Variants in STXBP5 observed in about 807,000 individuals in gnomAD.
The protein encoded by STXBP5 is syntaxin binding protein 5, also known as syntaxin-binding protein 5.
In STXBP5, 50 loss-of-function variants were observed where a neutral mutation model predicts 152.4. The ratio of observed to expected loss-of-function variants is 0.33; its 90% CI spans 0.26 to 0.42. STXBP5 has a LOEUF of 0.42. Ranked by LOEUF, STXBP5 falls within the 10% of genes least tolerant of loss-of-function variation. The probability of loss-of-function intolerance (pLI) is 1.00; values close to 1 mark genes in which losing one functional copy is unlikely to be tolerated. For synonymous variants in STXBP5, 492 were observed against 494.7 expected, an observed-to-expected ratio of 0.99 and a Z score of 0.07; for missense variants, 1,167 against 1,388.6, an observed-to-expected ratio of 0.84 and a Z score of 2.54.
At chr6:147,236,318 T>C (rs1358767164) in intron 3 of STXBP5, among the ~76,000 whole-genome samples, 2 of 152,204 alleles carry the variant, frequency 1.3e-5, no homozygotes, top group East Asian at 3.9e-4. Context: ...TTAAATTTTT[T>C]TTAATTAAAA....
intron 3 of STXBP5, among the ~76,000 whole-genome samples, chr6:147,237,610 C>G (rs966884342): frequency 1.3e-5 from 2 of 152,168 alleles, no homozygotes; most frequent in Non-Finnish European, 2.9e-5. Context: ...TAAAACGATG[C>G]TTTTAGTGAA....
chr6:147,265,076 TCTTTC>T (rs1779826111), intron 6 of STXBP5, among the ~76,000 whole-genome samples: 1 of 152,116 alleles, frequency 6.6e-6, no homozygotes, highest in Non-Finnish European at 1.5e-5. Context: ...CTTTTTCTTC[TCTTTC>T]CTTATTCTCA....
chr6:147,327,061 C>G (rs1783297737), intron 17 of STXBP5, 64 bp from the exon 18 acceptor site: 5 of 1,468,302 alleles, frequency 3.4e-6, no homozygotes, highest in African/African-American at 1.4e-5. Context: ...GCCTTATAGA[C>G]TGTAGTACAT....
intron 4 of STXBP5, among the ~76,000 whole-genome samples, chr6:147,258,393 G>C (rs1054593129): frequency 2.0e-5 from 3 of 152,094 alleles, no homozygotes; most frequent in African/African-American, 7.2e-5. Flanking sequence ...GTCTCTCTCT[G>C]TGTACAAACA....
At chr6:147,294,865 C>T (rs987919809) in intron 9 of STXBP5, among the ~76,000 whole-genome samples, 2 of 152,066 alleles carry the variant, frequency 1.3e-5, no homozygotes, top group African/African-American at 2.4e-5. Flanking sequence ...TGTCTGTATA[C>T]TGGATTATGA....
intron 2 of STXBP5, among the ~76,000 whole-genome samples, chr6:147,215,144 C>T (rs113292553): frequency 7.2e-5 from 11 of 152,154 alleles, no homozygotes; most frequent in Non-Finnish European, 1.0e-4. Context: ...AATAAGTGTG[C>T]GTCAGTAAAA....
intron 11 of STXBP5, 90 bp downstream of exon 11, chr6:147,311,617 AAAACTCTACAT>A (rs1782381044): frequency 5.2e-6 from 5 of 968,570 alleles, no homozygotes; most frequent in Non-Finnish European, 7.8e-6. Flanking sequence ...CATTTCTTTG[AAAACTCTACAT>A]TTATATCCAT....
chr6:147,322,817 C>T (rs1161197938), intron 16 of STXBP5, among the ~76,000 whole-genome samples: 7 of 152,176 alleles, frequency 4.6e-5, no homozygotes, highest in Non-Finnish European at 1.0e-4. Context: ...TTCAAGTACA[C>T]TTGAAGTTTT....
chr6:147,337,867 A>T (rs1783906274), intron 19 of STXBP5, among the ~76,000 whole-genome samples: 1 of 152,076 alleles, frequency 6.6e-6, no homozygotes, highest in South Asian at 2.1e-4. Flanking sequence ...CATGGACTTT[A>T]AAAAAGTAAC....
intron 9 of STXBP5, 121 bp downstream of exon 9, chr6:147,291,293 A>G: frequency 1.6e-6 from 1 of 635,708 alleles, no homozygotes; most frequent in South Asian, 5.2e-5. Flanking sequence ...CTTAAATTTT[A>G]TGCTTTTTTT....
Position 147,204,826 on chromosome 6 carries a change from C to T in STXBP5, c.150+144C>T. ...ACTCTAATAAAAGGCTCGCTCCTCC[C>T]TTGGCAAACGTTTCTTCGGTGGGTT... On this transcript the variant is annotated intron_variant, in intron 1 of 27. Coordinates refer to ENST00000321680, the MANE Select transcript of STXBP5 (RefSeq NM_001127715.4). This position sits in a 1 kb window ranked among gnomAD's most constrained non-coding sequence, Gnocchi z 4.3. 1.0e-6 allele frequency: 1 copy of T among 967,036 alleles called. No individual in the cohort carries two copies. The highest frequency in any genetic ancestry group is 1.5e-6 in the Non-Finnish European group (1 of 686,238). 59.9% of individuals were successfully genotyped at this position (967,036 alleles called of 1,614,324 possible). A position where few individuals can be genotyped will look rare whatever the true frequency, so the allele number is the denominator to read the frequency against.
chr6:147,267,234 T>C, intron 7 of STXBP5, 67 bp downstream of exon 7: 1 of 1,363,540 alleles, frequency 7.3e-7, no homozygotes, highest in Non-Finnish European at 1.0e-6. Context: ...CTCTAAAAAC[T>C]TAATTGGTAA....
At chr6:147,287,168 A>G (rs1582892581) in intron 8 of STXBP5, among the ~76,000 whole-genome samples, 1 of 147,494 alleles carries the variant, frequency 6.8e-6, no homozygotes, top group South Asian at 2.1e-4. Context: ...TAGGGTGACT[A>G]TAGTTCAATA....
At chr6:147,347,457 T>C (rs888952970) in intron 21 of STXBP5, among the ~76,000 whole-genome samples, 5 of 152,204 alleles carry the variant, frequency 3.3e-5, no homozygotes, top group Admixed American at 1.3e-4. Context: ...AAAGCCATGG[T>C]AGGAAGACTG....
chr6:147,274,593 A>G (rs567669694), intron 7 of STXBP5, among the ~76,000 whole-genome samples: 217 of 152,306 alleles, frequency 1.4e-3, no homozygotes, highest in African/African-American at 4.9e-3. Context: ...TATTATTTAT[A>G]TGTGTAAGAA....
intron 25 of STXBP5, 100 bp from the exon 26 acceptor site, chr6:147,373,626 GGTAAT>G: frequency 1.4e-6 from 1 of 730,446 alleles, no homozygotes; most frequent in Non-Finnish European, 2.4e-6. Flanking sequence ...AATCTCAACA[GGTAAT>G]GTTCTGAGCT....
intron 9 of STXBP5, among the ~76,000 whole-genome samples, chr6:147,301,667 A>G (rs1314623908): frequency 2.6e-5 from 4 of 152,132 alleles, no homozygotes; most frequent in Non-Finnish European, 5.9e-5. Context: ...TAATCCCCAA[A>G]TCTCACACCT....
At chr6:147,217,874 A>G (rs1317220316) in intron 2 of STXBP5, among the ~76,000 whole-genome samples, 1 of 152,178 alleles carries the variant, frequency 6.6e-6, no homozygotes, top group Non-Finnish European at 1.5e-5. Flanking sequence ...CACATTTTTC[A>G]TGGCTATTCT....
intron 26 of STXBP5, among the ~76,000 whole-genome samples, chr6:147,376,667 A>G (rs928731448): frequency 2.0e-5 from 3 of 151,956 alleles, no homozygotes; most frequent in African/African-American, 4.8e-5. Flanking sequence ...AAATTTAAAA[A>G]TTTAGTGGTA....
Sources: allele counts gnomAD v4.1 joint callset (sites outside exome capture counted in the v4.1 genomes callset), GRCh38; gene constraint gnomAD v4.1.1; non-coding constraint Gnocchi (gnomAD v3.1); transcripts MANE v1.5; gene names NCBI Gene and HGNC (gene_info 2026-07-23, HGNC 2026-07-21).